ROBO2: variants seen among roughly 807,000 people sequenced by gnomAD.
The protein encoded by ROBO2 is roundabout homolog 2.
A neutral mutation model predicts 160.8 loss-of-function variants in ROBO2; 53 were observed. That is an observed-to-expected ratio of 0.33 (90% CI 0.26 to 0.41). The LOEUF is 0.41. Among genes scored for constraint, ROBO2 ranks in the 10% least tolerant of loss-of-function variants. ROBO2 has a pLI of 1.00. For missense variants in ROBO2, 1,577 were observed against 1,722.4 expected (o/e 0.92, Z 1.49); for synonymous variants, 664 against 611.7 (o/e 1.09, Z -1.26).
intron 2 of ROBO2, among the ~76,000 whole-genome samples, chr3:76,416,834 T>G (rs2075777497): frequency 1.3e-5 from 2 of 152,188 alleles, no homozygotes; most frequent in South Asian, 4.1e-4. Context: ...AATCTCTTCT[T>G]CGTGATAATG....
intron 2 of ROBO2, among the ~76,000 whole-genome samples, chr3:76,753,705 C>T (rs1003618088): frequency 9.9e-5 from 15 of 151,758 alleles, no homozygotes; most frequent in African/African-American, 2.7e-4. Flanking sequence ...AAAGACAGAA[C>T]GCTCCAATAT....
At chr3:76,705,487 C>T (rs1379411413) in intron 2 of ROBO2, among the ~76,000 whole-genome samples, 1 of 151,854 alleles carries the variant, frequency 6.6e-6, no homozygotes, top group Non-Finnish European at 1.5e-5. Flanking sequence ...GAGCAGCATC[C>T]AATGATGCAA....
intron 2 of ROBO2, among the ~76,000 whole-genome samples, chr3:76,300,943 A>G (rs894031590): frequency 5.3e-5 from 8 of 152,136 alleles, no homozygotes; most frequent in Non-Finnish European, 5.9e-5. Flanking sequence ...CATACTCTTT[A>G]TCTAAGCAAT....
At chr3:76,252,758 TAC>T (rs113177987) in intron 2 of ROBO2, among the ~76,000 whole-genome samples, 6,742 of 53,494 alleles carry the variant, frequency 0.13, 393 homozygotes, top group African/African-American at 0.18. Flanking sequence ...TGTATATGTA[TAC>T]ACACACACAC....
At chr3:77,403,189 T>A (rs148839600) in intron 2 of ROBO2, among the ~76,000 whole-genome samples, 1 of 152,346 alleles carries the variant, frequency 6.6e-6, no homozygotes, top group East Asian at 1.9e-4. Context: ...CTAGTTAACA[T>A]GTGCATTGTC....
chr3:76,788,959 C>T (rs974652890), intron 2 of ROBO2, among the ~76,000 whole-genome samples: 1 of 151,390 alleles, frequency 6.6e-6, no homozygotes, highest in Non-Finnish European at 1.5e-5. Flanking sequence ...GTTGGTAATC[C>T]TTAAATAATC....
intron 2 of ROBO2, among the ~76,000 whole-genome samples, chr3:77,312,383 T>A (rs1015451338): frequency 1.3e-5 from 2 of 152,210 alleles, no homozygotes; most frequent in Non-Finnish European, 2.9e-5. Flanking sequence ...ACCTGTATTA[T>A]TTGGAAGCAT....
At position 77,533,990 on chromosome 3, in the gene ROBO2, G is replaced by A. The variant is rs146819881; in HGVS notation, c.934+11088G>A. On this transcript the variant is annotated intron_variant, in intron 6 of 25. Transcript: ENST00000461745. ...TCCCATGTCTCACTCTTGACTTTAA[G>A]TATCATTTTTCCCATAAAAGGATCA... Among the ~76,000 whole-genome samples, 16 of 151,634 alleles carry A rather than the reference G, an allele frequency of 1.1e-4. 1 individual carries two copies. Among genetic ancestry groups the A allele is most frequent in the African/African-American group, 3.6e-4 (15 of 41,306 alleles).
intron 2 of ROBO2, among the ~76,000 whole-genome samples, chr3:76,529,222 G>T (rs1353409811): frequency 6.6e-6 from 1 of 152,086 alleles, no homozygotes; most frequent in African/African-American, 2.4e-5. Context: ...AAGATAGACA[G>T]CAAAAGAGCC....
chr3:76,527,187 T>C (rs1487545063), intron 2 of ROBO2, among the ~76,000 whole-genome samples: 1 of 152,118 alleles, frequency 6.6e-6, no homozygotes, highest in Non-Finnish European at 1.5e-5. Context: ...AAAAATGGTA[T>C]ATTGCACGTA....
At position 76,002,152 on chromosome 3, in the gene ROBO2, A is replaced by T. The variant is rs572092589; in HGVS notation, c.109+64550A>T. Among the ~76,000 whole-genome samples the T allele has an allele frequency of 4.6e-5, 7 of 152,318 alleles. No homozygotes were observed. In the South Asian group the frequency reaches 1.4e-3, roughly 32 times the overall value. ...TGAATGTGACCTTGTATGGAAATACAGCCTTTGCAGATGACCAAGTTAGGA... is the reference window on the plus strand; with the variant it reads ...TGAATGTGACCTTGTATGGAAATACTGCCTTTGCAGATGACCAAGTTAGGA... On this transcript the variant is annotated intron_variant, in intron 2 of 26. Transcript: ENST00000487694.
intron 2 of ROBO2, among the ~76,000 whole-genome samples, chr3:76,281,877 A>G (rs1708251584): frequency 6.6e-6 from 1 of 151,936 alleles, no homozygotes; most frequent in African/African-American, 2.4e-5. Flanking sequence ...GGCTGACCCA[A>G]AGATCCAAAG....
At position 76,542,323 on chromosome 3, in the gene ROBO2, G is replaced by A. The variant is rs1169671066; in HGVS notation, c.110-555691G>A. On this transcript the variant is annotated intron_variant, in intron 2 of 26. Transcript: ENST00000487694. ...ATTTCTATTAATATATGGGAATATG[G>A]TGAACCTTTCTGTGCTGGTTTTCCT... Among the ~76,000 whole-genome samples the A allele has an allele frequency of 2.0e-5, 3 of 152,064 alleles. No homozygotes were observed. The East Asian group carries it at 5.8e-4, about 29-fold the overall frequency.
In ROBO2 at chr3:76,472,111, G is replaced by A. The variant is rs529598520; in HGVS notation, c.109+534509G>A. Among the ~76,000 whole-genome samples, 315 of 70,554 alleles carry A rather than the reference G, an allele frequency of 4.5e-3. 4 individuals carry two copies. The highest frequency in any genetic ancestry group is 9.9e-3 in the South Asian group (22 of 2,222). The allele number at this position is 70,554 out of a possible 152,430, so 46.3% of individuals were successfully genotyped here. On this transcript the variant is annotated intron_variant, in intron 2 of 26. Coordinates refer to the ROBO2 transcript ENST00000487694. ...TGTGTGTGTGTGTGTGCGCGTGTGC[G>A]TGCGCATGTGTATCACTTCTTCCAT...
intron 2 of ROBO2, among the ~76,000 whole-genome samples, chr3:77,150,741 T>A (rs1388924933): frequency 4.6e-5 from 7 of 151,724 alleles, no homozygotes; most frequent in African/African-American, 1.2e-4. Flanking sequence ...TTTTTTTTTT[T>A]ATTATAAGAA....
chr3:77,414,873 C>T (rs2077086059), intron 2 of ROBO2, among the ~76,000 whole-genome samples: 1 of 152,140 alleles, frequency 6.6e-6, no homozygotes, highest in African/African-American at 2.4e-5. Context: ...CATATGGCTC[C>T]TGTTAGAGTC....
chr3:76,446,441 A>G lies in ROBO2; in HGVS notation c.109+508839A>G, dbSNP rs546187416. ...CTGTGCTCATGGATAGGAAGAATCAATATTGTGGAAATGGCCATACTGCCC... is the reference window on the plus strand; with the variant it reads ...CTGTGCTCATGGATAGGAAGAATCAGTATTGTGGAAATGGCCATACTGCCC... On this transcript the variant is annotated intron_variant, in intron 2 of 26. Coordinates refer to the ROBO2 transcript ENST00000487694. Among the ~76,000 whole-genome samples, 6 of 152,316 alleles carry G rather than the reference A, an allele frequency of 3.9e-5. No homozygotes were observed. In the South Asian group the frequency reaches 1.0e-3, roughly 26 times the overall value.
intron 21 of ROBO2, among the ~76,000 whole-genome samples, chr3:77,611,408 A>C (rs2094639819): frequency 6.6e-6 from 1 of 152,056 alleles, no homozygotes; most frequent in African/African-American, 2.4e-5. Flanking sequence ...TTGAGTACAG[A>C]TGATGGATTG....
At chr3:76,808,344 T>TA (rs1391099660) in intron 2 of ROBO2, among the ~76,000 whole-genome samples, 1 of 152,086 alleles carries the variant, frequency 6.6e-6, no homozygotes, top group African/African-American at 2.4e-5. Context: ...GTTTCAATAG[T>TA]AAATAAGTTG....
Sources: allele counts gnomAD v4.1 joint callset (sites outside exome capture counted in the v4.1 genomes callset), GRCh38; gene constraint gnomAD v4.1.1; transcripts MANE v1.5; gene names NCBI Gene and HGNC (gene_info 2026-07-23, HGNC 2026-07-21).